NLK: variants seen among roughly 807,000 people sequenced by gnomAD.
NLK encodes nemo like kinase.
In NLK, 11 loss-of-function variants were observed where a neutral mutation model predicts 59.0. The ratio of observed to expected loss-of-function variants is 0.19; its 90% CI spans 0.12 to 0.31. NLK has a LOEUF of 0.31. Among genes scored for constraint, NLK ranks in the 10% least tolerant of loss-of-function variants. The pLI, the probability that NLK is intolerant of heterozygous loss-of-function variation, is 1.00. For synonymous variants in NLK, 235 were observed against 235.9 expected, an observed-to-expected ratio of 1.00 and a Z score of 0.03; for missense variants, 410 against 661.1, an observed-to-expected ratio of 0.62 and a Z score of 4.16.
chr17:28,099,669 C>T (rs1024098271), intron 1 of NLK, among the ~76,000 whole-genome samples: 3 of 147,994 alleles, frequency 2.0e-5, no homozygotes, highest in African/African-American at 7.5e-5. Context: ...AGCTCCGCTT[C>T]CCGGGTTCAC....
chr17:28,197,247 T>C (rs1017512591), downstream of NLK, among the ~76,000 whole-genome samples: 3 of 152,146 alleles, frequency 2.0e-5, no homozygotes, highest in Non-Finnish European at 2.9e-5. Context: ...GGTGGGCAGA[T>C]CACTTGAGGT....
intron 3 of NLK, among the ~76,000 whole-genome samples, chr17:28,134,869 T>G (rs1209276656): frequency 6.6e-6 from 1 of 152,216 alleles, no homozygotes; most frequent in East Asian, 1.9e-4. Context: ...GGTAGAAGGA[T>G]TGAGAAAGTT....
At chr17:28,189,626 A>C (rs1464398602) in intron 8 of NLK, among the ~76,000 whole-genome samples, 5 of 152,238 alleles carry the variant, frequency 3.3e-5, no homozygotes, top group Non-Finnish European at 7.3e-5. Flanking sequence ...AAGGGCTCAG[A>C]GAGGCCTGGG....
chr17:28,080,163 A>G (rs954887466), intron 1 of NLK, among the ~76,000 whole-genome samples: 1 of 152,120 alleles, frequency 6.6e-6, no homozygotes, highest in Non-Finnish European at 1.5e-5. Context: ...TTTAAAGAAG[A>G]GCTTCCAGTC....
chr17:28,159,504 T>G (rs1477269654), intron 3 of NLK, among the ~76,000 whole-genome samples: 1 of 152,158 alleles, frequency 6.6e-6, no homozygotes, highest in Non-Finnish European at 1.5e-5. Context: ...TAAAAACTAT[T>G]AAAAACTATA....
At chr17:28,101,582 A>AT (rs1904904265) in intron 1 of NLK, among the ~76,000 whole-genome samples, 1 of 152,040 alleles carries the variant, frequency 6.6e-6, no homozygotes, top group East Asian at 1.9e-4. Flanking sequence ...TTATCTTCTA[A>AT]TTATTCAAAG....
intron 1 of NLK, among the ~76,000 whole-genome samples, chr17:28,083,269 T>C (rs1215805751): frequency 6.6e-6 from 1 of 152,308 alleles, no homozygotes; most frequent in East Asian, 1.9e-4. Flanking sequence ...TGTAGGTGAT[T>C]GATAAATATT....
At chr17:28,201,561 G>GA in the NLK span, among the ~76,000 whole-genome samples, 13 of 149,564 alleles carry the variant, frequency 8.7e-5, no homozygotes, top group South Asian at 1.0e-3. Flanking sequence ...GAAAAGAAAA[G>GA]AAAAAACAAA....
chr17:28,161,174 A>G lies in NLK; in HGVS notation c.659A>G (p.Glu220Gly). The change falls in exon 4 of 11, where the codon GAA becomes GGA. Residue 220 changes from glutamate (E) to glycine (G), a missense_variant. Coordinates refer to ENST00000407008, the MANE Select transcript of NLK (RefSeq NM_016231.5). ...DYFEEIYVVTELMQSDLHKII... is the reference protein window; with the variant it reads ...DYFEEIYVVTGLMQSDLHKII... ...AAAACTTCAAGATATGTTGTCACAG[A>G]ATTGATGCAGAGTGACCTACATAAA... 1 of 1,599,758 alleles carries G rather than the reference A, an allele frequency of 6.3e-7. No homozygotes were observed. Among genetic ancestry groups the G allele is most frequent in the Non-Finnish European group, 8.6e-7 (1 of 1,166,984 alleles).
At chr17:28,131,302 T>G (rs968806810) in intron 2 of NLK, among the ~76,000 whole-genome samples, 1 of 152,052 alleles carries the variant, frequency 6.6e-6, no homozygotes, top group Non-Finnish European at 1.5e-5. Flanking sequence ...CAAACTTTTT[T>G]TTTAATATGA....
chr17:28,171,882 T>A (rs189847534), intron 6 of NLK, among the ~76,000 whole-genome samples: 1 of 152,230 alleles, frequency 6.6e-6, no homozygotes, highest in African/African-American at 2.4e-5. Context: ...GTCATGCTTA[T>A]CAAAACATAT....
intron 1 of NLK, among the ~76,000 whole-genome samples, chr17:28,072,206 G>T (rs890776483): frequency 6.6e-6 from 1 of 151,486 alleles, no homozygotes; most frequent in African/African-American, 2.4e-5. Context: ...TATTTTATAT[G>T]TCTCTGATAT....
chr17:28,143,860 A>G (rs976044977), intron 3 of NLK, among the ~76,000 whole-genome samples: 3 of 152,196 alleles, frequency 2.0e-5, no homozygotes, highest in South Asian at 2.1e-4. Context: ...ACTGTCCACA[A>G]TGGTTAGCTG....
chr17:28,143,043 C>T (rs1018344576), intron 3 of NLK, among the ~76,000 whole-genome samples: 16 of 135,992 alleles, frequency 1.2e-4, no homozygotes, highest in African/African-American at 4.3e-4. Flanking sequence ...AAGATGAAAA[C>T]TTTTTTTTTT....
chr17:28,110,105 C>T (rs1359195900), intron 1 of NLK, among the ~76,000 whole-genome samples: 1 of 152,136 alleles, frequency 6.6e-6, no homozygotes, highest in Non-Finnish European at 1.5e-5. Flanking sequence ...TTGTAGTTTG[C>T]ATTCTATGTG....
intron 1 of NLK, among the ~76,000 whole-genome samples, chr17:28,105,691 A>G (rs768883280): frequency 1.3e-5 from 2 of 152,250 alleles, no homozygotes; most frequent in Non-Finnish European, 2.9e-5. Flanking sequence ...GCTATAAAGA[A>G]GACCTGGTGA....
intron 1 of NLK, among the ~76,000 whole-genome samples, chr17:28,071,165 G>A (rs1419501931): frequency 6.6e-6 from 1 of 152,174 alleles, no homozygotes; most frequent in Non-Finnish European, 1.5e-5. Context: ...GTCCCCTAGG[G>A]AACAAAGTCA....
At chr17:28,123,344 G>A (rs901212546) in intron 2 of NLK, among the ~76,000 whole-genome samples, 1 of 152,142 alleles carries the variant, frequency 6.6e-6, no homozygotes, top group Non-Finnish European at 1.5e-5. Context: ...GTTATTAATA[G>A]AAACCACAAC....
intron 8 of NLK, among the ~76,000 whole-genome samples, chr17:28,188,623 G>A (rs1184626808): frequency 6.6e-6 from 1 of 152,060 alleles, no homozygotes; most frequent in Non-Finnish European, 1.5e-5. Flanking sequence ...GATTACAGAT[G>A]TGCGCCACCA....
Sources: allele counts gnomAD v4.1 joint callset (sites outside exome capture counted in the v4.1 genomes callset), GRCh38; gene constraint gnomAD v4.1.1; transcripts MANE v1.5; gene names NCBI Gene and HGNC (gene_info 2026-07-23, HGNC 2026-07-21).